The following TXNL4A variants were observed in gnomAD, a reference collection of about 807,000 sequenced individuals.
The protein encoded by TXNL4A is thioredoxin-like protein 4A.
Under a neutral mutation model 14.6 loss-of-function variants are expected in TXNL4A, and 17 were observed. The observed-to-expected ratio is 1.16, with a 90% CI of 0.80 to 1.74. The LOEUF is 1.74. TXNL4A is among the 40% of genes most tolerant of loss of function. The pLI is 0.00. For synonymous variants in TXNL4A, 83 were observed against 70.6 expected (o/e 1.18, Z -0.88); for missense variants, 74 against 195.2 (o/e 0.38, Z 3.70).
intron 2 of TXNL4A, chr18:79,977,208 C>T (rs1245478861): frequency 1.1e-5 from 3 of 273,302 alleles, no homozygotes; most frequent in East Asian, 1.1e-4. Flanking sequence ...CCACCCACCT[C>T]GGCCTCCCAA....
chr18:79,981,490 G>A lies in TXNL4A; in HGVS notation c.154-3789C>T, dbSNP rs370750274. ...AGTTCGAGACCAACCTGGCCAACGT[G>A]GTGCAACCCTGTCTCTACTAAAAAC... On this transcript the variant is annotated intron_variant, in intron 1 of 2. Transcript: ENST00000269601. Among the ~76,000 whole-genome samples, 64 of 152,074 alleles carry A rather than the reference G, an allele frequency of 4.2e-4. No individual in the cohort carries two copies. In the East Asian group the frequency reaches 0.011, roughly 27 times the overall value.
chr18:80,006,145 G>A (rs2051728608), intron 1 of TXNL4A, among the ~76,000 whole-genome samples: 1 of 152,038 alleles, frequency 6.6e-6, no homozygotes, highest in Non-Finnish European at 1.5e-5. Context: ...CAGCACTTTG[G>A]GAGGCTAAGG....
At chr18:80,027,104 C>CA (rs1305538130) in intron 1 of TXNL4A, among the ~76,000 whole-genome samples, 7 of 152,098 alleles carry the variant, frequency 4.6e-5, no homozygotes, top group African/African-American at 1.7e-4. Context: ...CTTACGGTCT[C>CA]AGTCAAATAC....
At chr18:79,997,373 C>A (rs1367810711) in intron 1 of TXNL4A, among the ~76,000 whole-genome samples, 1 of 148,724 alleles carries the variant, frequency 6.7e-6, no homozygotes, top group Non-Finnish European at 1.5e-5. Flanking sequence ...GCCCCATATT[C>A]CCTGTAAAAC....
chr18:80,018,520 C>A (rs572980194), intron 1 of TXNL4A, among the ~76,000 whole-genome samples: 95 of 152,142 alleles, frequency 6.2e-4, no homozygotes, highest in African/African-American at 2.1e-3. Flanking sequence ...ACCAAAAAAA[C>A]CCTTCAAAAA....
intron 1 of TXNL4A, among the ~76,000 whole-genome samples, chr18:80,013,665 C>G (rs958523974): frequency 1.3e-5 from 2 of 151,222 alleles, no homozygotes; most frequent in Non-Finnish European, 2.9e-5. Flanking sequence ...AGGCTGGTCT[C>G]GAACTCCTGA....
At chr18:79,997,882 T>A (rs12456805) in intron 1 of TXNL4A, among the ~76,000 whole-genome samples, 115,514 of 152,068 alleles carry the variant, frequency 0.76, 45,183 homozygotes, top group East Asian at 0.92. Flanking sequence ...AGGCATATTA[T>A]CTCAGTCAAA....
At chr18:80,032,939 T>G (rs550615991) in intron 1 of TXNL4A, among the ~76,000 whole-genome samples, 2 of 152,336 alleles carry the variant, frequency 1.3e-5, no homozygotes, top group South Asian at 2.1e-4. Flanking sequence ...ACATTTTGTC[T>G]GCGTTATCTT....
chr18:80,004,275 G>A (rs1368021871), intron 1 of TXNL4A, among the ~76,000 whole-genome samples: 1 of 152,134 alleles, frequency 6.6e-6, no homozygotes, highest in Non-Finnish European at 1.5e-5. Context: ...CTGCCCTGAG[G>A]GCAGCCTGAG....
chr18:80,012,667 T>A (rs1399989076), intron 1 of TXNL4A, among the ~76,000 whole-genome samples: 1 of 152,176 alleles, frequency 6.6e-6, no homozygotes. Flanking sequence ...ACAGTACCAT[T>A]TGGAACTATA....
At chr18:80,021,930 G>A (rs903029701) in intron 1 of TXNL4A, among the ~76,000 whole-genome samples, 1 of 152,078 alleles carries the variant, frequency 6.6e-6, no homozygotes, top group East Asian at 1.9e-4. Context: ...TTTTTAATAA[G>A]GGGAGGACAA....
chr18:79,985,462 G>C (rs747939247), intron 1 of TXNL4A, among the ~76,000 whole-genome samples: 1 of 151,694 alleles, frequency 6.6e-6, no homozygotes, highest in Non-Finnish European at 1.5e-5. Flanking sequence ...CATGTTGCCC[G>C]GGCTGTTCTC....
rs559242691 is a variant in TXNL4A, at chr18:80,003,278, C to T, written c.-60-25577G>A. Among the ~76,000 whole-genome samples the T allele has an allele frequency of 1.7e-3, 260 of 152,322 alleles. 1 individual carries two copies. Among genetic ancestry groups the T allele is most frequent in the African/African-American group, 5.9e-3 (247 of 41,588 alleles). On this transcript the variant is annotated intron_variant, in intron 1 of 2. Coordinates refer to the TXNL4A transcript ENST00000585474. The stretch of plus-strand genomic sequence containing the variant: ...GGGCCCAGCAATGGCCTGAGGAGTA[C>T]TTCAAGGTGTGTCCAGCACAGGTCC...
chr18:79,972,784 T>C lies in TXNL4A; in HGVS notation c.*901A>G, dbSNP rs1157233609. On this transcript the variant is annotated 3_prime_UTR_variant, in exon 3 of 3. Transcript: ENST00000269601. ...GGCCAATAAGGAAATTTTCTAACTA[T>C]ATGAACTGAAGGGCCATGGCTTCTA... 1 of 152,226 alleles carries C rather than the reference T, an allele frequency of 6.6e-6. No individual in the cohort carries two copies. Among genetic ancestry groups the C allele is most frequent in the African/African-American group, 2.4e-5 (1 of 41,448 alleles). The allele number at this position is 152,226 out of a possible 1,614,324, so 9.4% of individuals were successfully genotyped here.
At chr18:80,022,881 T>C (rs1048285008) in intron 1 of TXNL4A, among the ~76,000 whole-genome samples, 1 of 152,276 alleles carries the variant, frequency 6.6e-6, no homozygotes, top group African/African-American at 2.4e-5. Flanking sequence ...GCAGGACTAG[T>C]CACACTTACC....
upstream of TXNL4A, among the ~76,000 whole-genome samples, chr18:79,989,733 G>T (rs1255929534): frequency 6.6e-6 from 1 of 152,056 alleles, no homozygotes; most frequent in Non-Finnish European, 1.5e-5. Flanking sequence ...GGTGGCTCAC[G>T]CCTGTAATCC....
intron 1 of TXNL4A, chr18:80,033,810 C>CCCGCCCCCGTTG (rs2051944228): frequency 6.6e-6 from 1 of 150,832 alleles, no homozygotes; most frequent in Non-Finnish European, 1.5e-5. Context: ...CGTCCTTCGC[C>CCCGCCCCCGTTG]CCGCCCCCGT....
At chr18:80,020,770 G>A (rs911617447) in intron 1 of TXNL4A, among the ~76,000 whole-genome samples, 1 of 152,166 alleles carries the variant, frequency 6.6e-6, no homozygotes, top group Non-Finnish European at 1.5e-5. Flanking sequence ...ACTGTACCCA[G>A]GTATTTACAA....
chr18:80,006,205 G>A (rs879352402), intron 1 of TXNL4A, among the ~76,000 whole-genome samples: 1 of 152,042 alleles, frequency 6.6e-6, no homozygotes, highest in Non-Finnish European at 1.5e-5. Flanking sequence ...CCAATATGGT[G>A]AAACCTTGTC....
Sources: allele counts gnomAD v4.1 joint callset (sites outside exome capture counted in the v4.1 genomes callset), GRCh38; gene constraint gnomAD v4.1.1; transcripts MANE v1.5; gene names NCBI Gene and HGNC (gene_info 2026-07-23, HGNC 2026-07-21).